The following SKI variants were observed in gnomAD, a reference collection of about 807,000 sequenced individuals.
SKI encodes the protein SKI proto-oncogene.
Under a neutral mutation model 59.3 loss-of-function variants are expected in SKI, and 23 were observed. The ratio of observed to expected loss-of-function variants is 0.39; its 90% CI spans 0.28 to 0.55. The LOEUF is 0.55. SKI is among the 20% of genes least tolerant of loss of function. SKI has a pLI of 0.67. For missense variants in SKI, 1,017 were observed against 1,038.9 expected (o/e 0.98, Z 0.29); for synonymous variants, 673 against 488.6 (o/e 1.38, Z -4.98).
intron 1 of SKI, among the ~76,000 whole-genome samples, chr1:2,286,823 CTT>C (rs1212533178): frequency 6.6e-6 from 1 of 152,258 alleles, no homozygotes; most frequent in Non-Finnish European, 1.5e-5. Flanking sequence ...ACTGGACGCT[CTT>C]TACACGGGCT....
At chr1:2,230,174 A>G (rs1365021879) in intron 1 of SKI, among the ~76,000 whole-genome samples, 1 of 152,196 alleles carries the variant, frequency 6.6e-6, no homozygotes, top group Non-Finnish European at 1.5e-5. Flanking sequence ...CTCGCCCCGA[A>G]GGCACCCAGC....
chr1:2,240,508 G>A (rs956150624), intron 1 of SKI: 1 of 985,434 alleles, frequency 1.0e-6, no homozygotes, highest in Non-Finnish European at 1.2e-6. Context: ...GTGGCGGGTG[G>A]TGGCTGGTTG....
rs767638098 is a variant in SKI, at chr1:2,308,559, AT to A, written c.*1795del. On this transcript the variant is annotated 3_prime_UTR_variant, in exon 7 of 7. Transcript: ENST00000378536. ...TGTCTTGTAAAGGGTCGGTTTTGTT[AT>A]GCAACATGCAGAATGCTGTTTTTAG... The A allele has an allele frequency of 1.3e-4, 19 of 151,624 alleles. No individual in the cohort carries two copies. Among genetic ancestry groups the A allele is most frequent in the Non-Finnish European group, 2.1e-4 (14 of 67,982 alleles). 9.4% of individuals were successfully genotyped at this position (151,624 alleles called of 1,614,324 possible). A position where few individuals can be genotyped will look rare whatever the true frequency, so the allele number is the denominator to read the frequency against.
intron 1 of SKI, among the ~76,000 whole-genome samples, chr1:2,287,664 CA>C (rs560043612): frequency 1.8e-4 from 28 of 151,856 alleles, no homozygotes; most frequent in African/African-American, 6.1e-4. Context: ...GGGTCTGCCG[CA>C]GGGGGGGTGT....
intron 1 of SKI, among the ~76,000 whole-genome samples, chr1:2,251,999 C>T (rs749853047): frequency 7.9e-5 from 12 of 152,116 alleles, no homozygotes; most frequent in Non-Finnish European, 1.2e-4. Context: ...TGCCCAGACG[C>T]GCCGTGGCAC....
intron 1 of SKI, among the ~76,000 whole-genome samples, chr1:2,231,170 CT>C (rs1344197686): frequency 6.6e-6 from 1 of 152,108 alleles, no homozygotes; most frequent in Non-Finnish European, 1.5e-5. Flanking sequence ...TGGGGCCTTT[CT>C]TTTTGGGGTG....
intron 1 of SKI, among the ~76,000 whole-genome samples, chr1:2,242,877 A>G (rs1569700487): frequency 6.6e-6 from 1 of 152,242 alleles, no homozygotes; most frequent in East Asian, 1.9e-4. Context: ...TGAATGAGGC[A>G]TAACAAGTAT....
Position 2,270,457 on chromosome 1 carries a change from G to A in SKI, c.970-32521G>A, listed in dbSNP as rs187093698. Among the ~76,000 whole-genome samples, 9 of 152,290 alleles carry A rather than the reference G, an allele frequency of 5.9e-5. No individual in the cohort carries two copies. The highest frequency in any genetic ancestry group is 1.4e-4 in the African/African-American group (6 of 41,558). ...GGCCACAGGGCCTGGGCTTTGTCCC[G>A]TTTACGAGAGGTCAGGCGGTCACAG... On this transcript the variant is annotated intron_variant, in intron 1 of 6. Transcript: ENST00000378536. This position sits in a 1 kb window ranked among gnomAD's most constrained non-coding sequence, Gnocchi z 4.1.
chr1:2,306,778 C>G lies in SKI; in HGVS notation c.*13C>G. 1 of 1,492,690 alleles carries G rather than the reference C, an allele frequency of 6.7e-7. No homozygotes were observed. The highest frequency in any genetic ancestry group is 8.9e-7 in the Non-Finnish European group (1 of 1,125,328). The allele number at this position is 1,492,690 out of a possible 1,614,324, so 92.5% of individuals were successfully genotyped here. On this transcript the variant is annotated 3_prime_UTR_variant, in exon 7 of 7. Transcript: ENST00000378536. ...GCTGGAGCCGTAGATTCCGTGCCTG[C>G]CGCCGCAGCGCCGCCGACAACGCGG... is the stretch of plus-strand genomic sequence containing the variant.
intron 5 of SKI, among the ~76,000 whole-genome samples, 156 bp downstream of exon 5, chr1:2,304,741 G>T (rs191932919): frequency 2.4e-3 from 360 of 152,314 alleles, no homozygotes; most frequent in Middle Eastern, 6.8e-3. Flanking sequence ...GACCTTGGGG[G>T]TCCGTCTCCC....
rs1288550123 is a variant in SKI at position 2,228,875 on chromosome 1, G to T, written c.109G>T (p.Ala37Ser). The T allele has an allele frequency of 1.4e-6, 2 of 1,428,238 alleles. No homozygotes were observed. 88.5% of individuals were successfully genotyped at this position (1,428,238 alleles called of 1,614,324 possible). ...SSMSSLGGPA[A>S]FSARWAQEAY... ...CATGAGCTCGCTGGGCGGCCCGGCC[G>T]CTTTCTCGGCGCGCTGGGCGCAGGA... Residue 37 changes from alanine (A) to serine (S), a missense_variant, in exon 1 of 7, where the codon GCT becomes TCT. Coordinates refer to ENST00000378536, the MANE Select transcript of SKI (RefSeq NM_003036.4).
chr1:2,249,132 TGGTC>T (rs1466309348), intron 1 of SKI, among the ~76,000 whole-genome samples: 1 of 152,204 alleles, frequency 6.6e-6, no homozygotes, highest in African/African-American at 2.4e-5. Context: ...GCCACCCTGA[TGGTC>T]GGCTCTGAGT....
At chr1:2,294,367 G>T (rs1343770984) in intron 1 of SKI, among the ~76,000 whole-genome samples, 3 of 152,258 alleles carry the variant, frequency 2.0e-5, no homozygotes, top group Non-Finnish European at 4.4e-5. Flanking sequence ...CAGGCTGGCT[G>T]TGTGTGGCTG....
At chr1:2,292,581 G>C (rs945261573) in intron 1 of SKI, among the ~76,000 whole-genome samples, 1 of 152,190 alleles carries the variant, frequency 6.6e-6, no homozygotes, top group East Asian at 1.9e-4. Flanking sequence ...CTGATGGAGG[G>C]GTGTGTACCT....
intron 1 of SKI, among the ~76,000 whole-genome samples, chr1:2,287,295 T>A (rs1291086634): frequency 6.6e-6 from 1 of 151,560 alleles, no homozygotes; most frequent in Non-Finnish European, 1.5e-5. Flanking sequence ...GTGTTGGCCT[T>A]GGACAGGAAA....
Position 2,304,372 on chromosome 1 carries a change from G to A in SKI, c.1554G>A (p.Ala518=), listed in dbSNP as rs770050757. The A allele has an allele frequency of 9.7e-6, 15 of 1,551,620 alleles. No homozygotes were observed. The East Asian group carries it at 2.0e-4, about 20-fold the overall frequency. Residue 518 remains alanine, a synonymous_variant, in exon 5 of 7, where the codon GCG becomes GCA. Transcript: ENST00000378536. The stretch of plus-strand genomic sequence containing the variant: ...CCAAGGACCTGGGCTCCCCGGGTGC[G>A]CGTGCCCTGCCCTCGGCCGTCCCTG... ...SSAKDLGSPG[A]RALPSAVPDA...
intron 1 of SKI, among the ~76,000 whole-genome samples, chr1:2,233,440 C>T: frequency 6.6e-6 from 1 of 152,154 alleles, no homozygotes; most frequent in East Asian, 1.9e-4. Flanking sequence ...AGTGTTGTTG[C>T]TCTGTCCTGC....
At chr1:2,287,437 C>A (rs549648733) in intron 1 of SKI, among the ~76,000 whole-genome samples, 1 of 151,058 alleles carries the variant, frequency 6.6e-6, no homozygotes, top group South Asian at 2.1e-4. Context: ...CCCGGGTTCA[C>A]GCCATTCTCC....
At chr1:2,302,053 A>G (rs905989563) in intron 1 of SKI, among the ~76,000 whole-genome samples, 1 of 152,224 alleles carries the variant, frequency 6.6e-6, no homozygotes, top group African/African-American at 2.4e-5. Flanking sequence ...TTCCAGCCGC[A>G]GGGCTGTGGG....
Sources: gnomAD v4.1 joint callset for allele counts (sites outside exome capture counted in the v4.1 genomes callset) on GRCh38, gnomAD v4.1.1 for gene constraint, Gnocchi (gnomAD v3.1) non-coding constraint, MANE v1.5 for transcripts, NCBI Gene and HGNC (gene_info 2026-07-23, HGNC 2026-07-21) for gene names.